Variants in FRMD4A observed in about 807,000 individuals in gnomAD.
The protein encoded by FRMD4A is FERM domain-containing protein 4A.
In FRMD4A, 29 loss-of-function variants were observed where a neutral mutation model predicts 129.1. That is an observed-to-expected ratio of 0.22 (90% confidence interval 0.17 to 0.31). FRMD4A has a LOEUF of 0.31. Ranked by LOEUF, FRMD4A falls within the 10% of genes least tolerant of loss-of-function variation. The pLI is 1.00. For missense variants in FRMD4A, 1,272 were observed against 1,375.8 expected (o/e 0.92, Z 1.19); for synonymous variants, 634 against 571.6 (o/e 1.11, Z -1.56).
intron 13 of FRMD4A, among the ~76,000 whole-genome samples, chr10:13,706,325 AAG>A (rs199884626): frequency 0.016 from 2,455 of 152,168 alleles, 76 homozygotes; most frequent in African/African-American, 0.056. Context: ...GCGGCAGACA[AAG>A]AGAGGAAAAC....
intron 2 of FRMD4A, among the ~76,000 whole-genome samples, chr10:14,229,744 C>T (rs1843573284): frequency 6.6e-6 from 1 of 152,186 alleles, no homozygotes; most frequent in South Asian, 2.1e-4. Context: ...CGACAACCCA[C>T]ACACACATTT....
chr10:13,931,540 C>T (rs1348902550), intron 2 of FRMD4A, among the ~76,000 whole-genome samples: 1 of 152,164 alleles, frequency 6.6e-6, no homozygotes, highest in African/African-American at 2.4e-5. Flanking sequence ...ACTCCCAGGG[C>T]TAGGTTGGCT....
chr10:14,326,131 AT>A (rs1303251405), intron 2 of FRMD4A: 6 of 152,354 alleles, frequency 3.9e-5, no homozygotes, highest in African/African-American at 1.2e-4. Flanking sequence ...ATATAAAAAA[AT>A]ATTTTTTCTT....
intron 3 of FRMD4A, among the ~76,000 whole-genome samples, chr10:13,828,639 T>C (rs2093741390): frequency 6.6e-6 from 1 of 151,962 alleles, no homozygotes; most frequent in South Asian, 2.1e-4. Flanking sequence ...TTCAAGCAAT[T>C]CTCCTGCCTC....
intron 3 of FRMD4A, among the ~76,000 whole-genome samples, chr10:13,816,480 T>C (rs1389138892): frequency 6.6e-6 from 1 of 152,244 alleles, no homozygotes; most frequent in African/African-American, 2.4e-5. Context: ...TAACCTAGCC[T>C]ATCCTGATTG....
chr10:14,329,917 A>C (rs1843445324), intron 2 of FRMD4A, 141 bp downstream of exon 2: 4 of 757,136 alleles, frequency 5.3e-6, no homozygotes, highest in African/African-American at 1.7e-5. Context: ...TGACCCAAGA[A>C]AGCATTTCCA....
At chr10:13,862,263 C>T (rs2094305303) in intron 2 of FRMD4A, among the ~76,000 whole-genome samples, 1 of 152,120 alleles carries the variant, frequency 6.6e-6, no homozygotes, top group African/African-American at 2.4e-5. Flanking sequence ...CAATCACAGT[C>T]TAATAAATTT....
intron 2 of FRMD4A, among the ~76,000 whole-genome samples, chr10:14,233,745 A>T (rs1003524485): frequency 6.6e-6 from 1 of 152,366 alleles, no homozygotes. Context: ...CGCTCAGCAC[A>T]GTTGGGAGGC....
At chr10:14,128,495 T>C (rs1206150043) in intron 2 of FRMD4A, among the ~76,000 whole-genome samples, 3 of 152,156 alleles carry the variant, frequency 2.0e-5, no homozygotes. Context: ...CCTATTAGCA[T>C]AGCCATATTT....
chr10:13,884,897 C>G (rs904773486), intron 2 of FRMD4A, among the ~76,000 whole-genome samples: 19 of 152,184 alleles, frequency 1.2e-4, no homozygotes, highest in African/African-American at 4.3e-4. Flanking sequence ...TACTTTCTGT[C>G]TATAAAATTG....
At chr10:14,234,292 A>C (rs1554790852) in intron 2 of FRMD4A, among the ~76,000 whole-genome samples, 2 of 152,160 alleles carry the variant, frequency 1.3e-5, no homozygotes, top group Non-Finnish European at 2.9e-5. Context: ...GGGTTGTTTG[A>C]GTCCCTGGTG....
chr10:14,121,924 G>A (rs1838545625), intron 2 of FRMD4A, among the ~76,000 whole-genome samples: 1 of 152,178 alleles, frequency 6.6e-6, no homozygotes, highest in Non-Finnish European at 1.5e-5. Context: ...GCTAGTGATG[G>A]TGTTCACATG....
At chr10:13,825,883 T>C (rs1776043719) in intron 3 of FRMD4A, among the ~76,000 whole-genome samples, 2 of 152,248 alleles carry the variant, frequency 1.3e-5, no homozygotes, top group Non-Finnish European at 2.9e-5. Flanking sequence ...ATCTGATGAT[T>C]TTGGTATCTT....
At chr10:14,031,601 C>T (rs932144089) in intron 2 of FRMD4A, among the ~76,000 whole-genome samples, 3 of 152,152 alleles carry the variant, frequency 2.0e-5, no homozygotes, top group Non-Finnish European at 2.9e-5. Flanking sequence ...GTAACAGACA[C>T]ACAGGATTTA....
At chr10:13,766,120 A>G (rs557316625) in intron 6 of FRMD4A, among the ~76,000 whole-genome samples, 1 of 152,246 alleles carries the variant, frequency 6.6e-6, no homozygotes, top group Non-Finnish European at 1.5e-5. Flanking sequence ...ACACGAAGGA[A>G]GGTCTTTTAT....
chr10:13,997,185 T>C lies in FRMD4A; in HGVS notation c.46-138273A>G, dbSNP rs372212648. ...TGGGTTGTGGAAGCTGGAAAAGACC[T>C]AAGGGACAATTGCAGCTCCATTTTT... On this transcript the variant is annotated intron_variant, in intron 2 of 24. Transcript: ENST00000357447. Among the ~76,000 whole-genome samples the C allele has an allele frequency of 5.1e-4, 77 of 152,196 alleles. 3 individuals carry two copies. In the South Asian group the frequency reaches 0.016, roughly 31 times the overall value.
intron 2 of FRMD4A, among the ~76,000 whole-genome samples, chr10:14,006,120 T>C (rs1275933915): frequency 2.0e-5 from 3 of 152,192 alleles, no homozygotes; most frequent in African/African-American, 4.8e-5. Flanking sequence ...GAATTGTCAA[T>C]TCCTCTGACC....
chr10:13,688,133 T>C (rs1327031468), intron 15 of FRMD4A, among the ~76,000 whole-genome samples: 1 of 152,138 alleles, frequency 6.6e-6, no homozygotes, highest in Non-Finnish European at 1.5e-5. Flanking sequence ...AGCAAAGACT[T>C]GGAACCAACC....
chr10:14,282,631 GA>G (rs1220701395), intron 2 of FRMD4A, among the ~76,000 whole-genome samples: 1 of 138 alleles, frequency 7.2e-3, no homozygotes, highest in African/African-American at 0.033. Flanking sequence ...AAGTGTGGGG[GA>G]CCCTTCCAGG....
Sources: gnomAD v4.1 joint callset for allele counts (sites outside exome capture counted in the v4.1 genomes callset) on GRCh38, gnomAD v4.1.1 for gene constraint, MANE v1.5 for transcripts, NCBI Gene and HGNC (gene_info 2026-07-23, HGNC 2026-07-21) for gene names.